Variants in PPP2R2C observed in about 807,000 individuals in gnomAD.
The protein encoded by PPP2R2C is protein phosphatase 2 regulatory subunit Bgamma, also known as protein phosphatase 2, regulatory subunit B, gamma.
In PPP2R2C, 10 loss-of-function variants were observed where a neutral mutation model predicts 45.3. The observed-to-expected ratio is 0.22, with a 90% CI of 0.14 to 0.37. PPP2R2C has a LOEUF of 0.37. Among genes scored for constraint, PPP2R2C ranks in the 10% least tolerant of loss-of-function variants. The pLI, the probability that PPP2R2C is intolerant of heterozygous loss-of-function variation, is 1.00. For missense variants in PPP2R2C, 308 were observed against 619.7 expected (o/e 0.50, Z 5.34); for synonymous variants, 257 against 245.4 (o/e 1.05, Z -0.44).
rs139977371 is a variant in PPP2R2C at position 6,505,839 on chromosome 4, G to A, written c.49+29432C>T. ...AAATTAGCTGGGCGTGGTGGTACAC[G>A]CTTGTAATCCCAGCTACTCAGGAGG... is the stretch of plus-strand genomic sequence containing the variant. On this transcript the variant is annotated intron_variant, in intron 2 of 9. Coordinates refer to the PPP2R2C transcript ENST00000506140. Among the ~76,000 whole-genome samples the A allele has an allele frequency of 7.6e-3, 1,160 of 152,208 alleles. 17 individuals are homozygous for A. The highest frequency in any genetic ancestry group is 0.026 in the African/African-American group (1,071 of 41,522).
At chr4:6,474,148 C>A (rs898619658), upstream of PPP2R2C, among the ~76,000 whole-genome samples, 5 of 151,922 alleles carry the variant, frequency 3.3e-5, no homozygotes, top group African/African-American at 4.8e-5. Context: ...TTGGCCCCCA[C>A]CCACCTGGCA....
chr4:6,438,908 C>A (rs1266006381), intron 1 of PPP2R2C, among the ~76,000 whole-genome samples: 2 of 152,150 alleles, frequency 1.3e-5, no homozygotes, highest in African/African-American at 4.8e-5. Context: ...TGACACAGTG[C>A]GGGCACAGAG....
chr4:6,421,339 G>A (rs1383332609), intron 1 of PPP2R2C, among the ~76,000 whole-genome samples: 1 of 152,118 alleles, frequency 6.6e-6, no homozygotes, highest in Non-Finnish European at 1.5e-5. Context: ...CCTACTTCTG[G>A]GATTCCCAGG....
intron 2 of PPP2R2C, among the ~76,000 whole-genome samples, chr4:6,522,661 G>C (rs1724063946): frequency 6.6e-6 from 1 of 152,278 alleles, no homozygotes; most frequent in Non-Finnish European, 1.5e-5. Flanking sequence ...TGAGCACCCA[G>C]AAGTGGCCAC....
At chr4:6,377,424 G>T (rs1715407618) in intron 3 of PPP2R2C, among the ~76,000 whole-genome samples, 1 of 152,256 alleles carries the variant, frequency 6.6e-6, no homozygotes, top group South Asian at 2.1e-4. Context: ...GGGAGGCTGA[G>T]GCAGGCGGAT....
At chr4:6,377,551 C>T (rs1285801455) in intron 3 of PPP2R2C, among the ~76,000 whole-genome samples, 4 of 152,068 alleles carry the variant, frequency 2.6e-5, no homozygotes, top group Admixed American at 6.5e-5. Flanking sequence ...TCCAGCTACT[C>T]GGGAGGCTGA....
intron 2 of PPP2R2C, among the ~76,000 whole-genome samples, chr4:6,534,638 A>AAC (rs1724536572): frequency 6.6e-6 from 1 of 151,570 alleles, no homozygotes; most frequent in African/African-American, 2.4e-5. Context: ...CACACATATC[A>AAC]ACACACACAG....
At chr4:6,383,966 A>T (rs1716042922) in intron 1 of PPP2R2C, 1 of 986,236 alleles carries the variant, frequency 1.0e-6, no homozygotes, top group South Asian at 4.7e-5. Flanking sequence ...TAGAAGTGGG[A>T]TGACGGGCTG....
At chr4:6,401,043 T>A (rs747613835) in intron 1 of PPP2R2C, among the ~76,000 whole-genome samples, 1 of 152,194 alleles carries the variant, frequency 6.6e-6, no homozygotes, top group Non-Finnish European at 1.5e-5. Flanking sequence ...AAACTGACAT[T>A]TAACCTAAGG....
intron 2 of PPP2R2C, among the ~76,000 whole-genome samples, chr4:6,507,119 G>A (rs566971111): frequency 6.6e-5 from 10 of 152,318 alleles, no homozygotes; most frequent in Admixed American, 5.2e-4. Flanking sequence ...GTGAGGAAGA[G>A]GGCTGAAGAG....
intron 1 of PPP2R2C, among the ~76,000 whole-genome samples, chr4:6,430,893 C>G (rs1327290215): frequency 6.6e-6 from 1 of 151,996 alleles, no homozygotes; most frequent in Non-Finnish European, 1.5e-5. Context: ...CCACTGCACT[C>G]CAGCCTGGGC....
In PPP2R2C at chr4:6,460,261, A is replaced by G. The variant is rs113095725; in HGVS notation, c.70+11899T>C. Among the ~76,000 whole-genome samples, 13 of 152,352 alleles carry G rather than the reference A, an allele frequency of 8.5e-5. 2 individuals are homozygous for G. Among genetic ancestry groups the G allele is most frequent in the African/African-American group, 3.1e-4 (13 of 41,576 alleles). Reference sequence around the variant, plus strand: ...GGTGACGAAGGTAAAATGCAGTCATATGGATGAGCCCTAACTCAATATGCC... The same window carrying G: ...GGTGACGAAGGTAAAATGCAGTCATGTGGATGAGCCCTAACTCAATATGCC... On this transcript the variant is annotated intron_variant, in intron 1 of 8. Coordinates refer to ENST00000382599, the MANE Select transcript of PPP2R2C (RefSeq NM_020416.4).
In PPP2R2C at chr4:6,364,883, G is replaced by A. The variant is rs764905388; in HGVS notation, c.625+7640C>T. On this transcript the variant is annotated intron_variant, in intron 5 of 8. Coordinates refer to ENST00000382599, the MANE Select transcript of PPP2R2C (RefSeq NM_020416.4). The surrounding 1 kb of genome is among the most constrained non-coding windows in gnomAD (Gnocchi z 5.3). ...GGGCTCTGGGTGCATTTGGACGATG[G>A]GATCACAGGACTCATCGAGGCTTGA... Among the ~76,000 whole-genome samples, 11 of 152,104 alleles carry A rather than the reference G, an allele frequency of 7.2e-5. No individual in the cohort carries two copies. Among genetic ancestry groups the A allele is most frequent in the Non-Finnish European group, 1.6e-4 (11 of 68,030 alleles).
chr4:6,357,434 T>C (rs781321172), intron 5 of PPP2R2C, among the ~76,000 whole-genome samples: 1 of 152,230 alleles, frequency 6.6e-6, no homozygotes, highest in Non-Finnish European at 1.5e-5. Context: ...GTAGGATTTC[T>C]ATCGAAACTG....
chr4:6,385,204 C>T (rs1239719232), intron 1 of PPP2R2C, among the ~76,000 whole-genome samples: 1 of 152,192 alleles, frequency 6.6e-6, no homozygotes, highest in Admixed American at 6.5e-5. Flanking sequence ...ACCAGTCCCG[C>T]CAGTCGCTCC....
chr4:6,439,940 G>A (rs929999226), intron 1 of PPP2R2C, among the ~76,000 whole-genome samples: 12 of 151,966 alleles, frequency 7.9e-5, no homozygotes, highest in Admixed American at 2.6e-4. Flanking sequence ...CCTGCCCTAC[G>A]TCTTCACTTC....
chr4:6,373,289 C>T (rs566283428), intron 4 of PPP2R2C, among the ~76,000 whole-genome samples: 134 of 152,340 alleles, frequency 8.8e-4, no homozygotes, highest in African/African-American at 2.9e-3. Context: ...ACATCCACAT[C>T]GAACCTTCCC....
At chr4:6,380,951 C>A in intron 2 of PPP2R2C, 46 bp downstream of exon 2, 1 of 1,460,856 alleles carries the variant, frequency 6.8e-7, no homozygotes, top group Non-Finnish European at 9.1e-7. Context: ...CCACCTGACT[C>A]TGCTCCCCAC....
chr4:6,512,404 A>ATGG (rs1560595358), intron 2 of PPP2R2C, among the ~76,000 whole-genome samples: 3 of 4,182 alleles, frequency 7.2e-4, no homozygotes, highest in Non-Finnish European at 1.4e-3. Context: ...GGTGGTGGTG[A>ATGG]TGGTGGTGGT....
Sources: gnomAD v4.1 joint callset for allele counts (sites outside exome capture counted in the v4.1 genomes callset) on GRCh38, gnomAD v4.1.1 for gene constraint, Gnocchi (gnomAD v3.1) non-coding constraint, MANE v1.5 for transcripts, NCBI Gene and HGNC (gene_info 2026-07-23, HGNC 2026-07-21) for gene names.